The following POLD3 variants were observed in gnomAD, a reference collection of about 807,000 sequenced individuals.
The protein encoded by POLD3 is DNA polymerase delta 3, accessory subunit, also known as DNA polymerase delta subunit 3.
In POLD3, 19 loss-of-function variants were observed where a neutral mutation model predicts 58.2. The ratio of observed to expected loss-of-function variants is 0.33; its 90% CI spans 0.23 to 0.48. The LOEUF (loss-of-function observed/expected upper bound fraction) is 0.48. POLD3 is among the 20% of genes least tolerant of loss of function. POLD3 has a pLI of 0.99. For synonymous variants in POLD3, 172 were observed against 193.5 expected, an observed-to-expected ratio of 0.89 and a Z score of 0.92; for missense variants, 504 against 545.5, an observed-to-expected ratio of 0.92 and a Z score of 0.76.
In POLD3 at chr11:74,668,780, T is replaced by C. The variant is rs1022221011; in HGVS notation, c.374T>C (p.Val125Ala). ...TTCTGTTGTGTTTTTTTTACAGTGG[T>C]GCTGGACATGCAGTCCCACTCACTA... Residue 125 changes from valine to alanine, a missense_variant, in exon 5 of 5, where the codon GTG becomes GCG. By Grantham distance (64) the Val-to-Ala change is moderately conservative. Transcript: ENST00000524752. 25 of 1,288,288 alleles carry C rather than the reference T, an allele frequency of 1.9e-5. 1 individual carries two copies. In the Admixed American group the frequency reaches 5.5e-4, roughly 28 times the overall value. 79.8% of individuals were successfully genotyped at this position (1,288,288 alleles called of 1,614,324 possible).
At chr11:74,643,415 G>A (rs930543455), downstream of POLD3, among the ~76,000 whole-genome samples, 3 of 152,148 alleles carry the variant, frequency 2.0e-5, no homozygotes, top group African/African-American at 7.2e-5. Flanking sequence ...AGAAACCATA[G>A]AATTTGGCAC....
intron 7 of POLD3, among the ~76,000 whole-genome samples, chr11:74,621,153 C>T (rs1382464527): frequency 6.6e-6 from 1 of 152,156 alleles, no homozygotes. Flanking sequence ...CTCCAACCCA[C>T]AGTCCACTGA....
At chr11:74,620,164 C>G (rs1242622428) in intron 7 of POLD3, 75 bp downstream of exon 7, 1 of 1,142,136 alleles carries the variant, frequency 8.8e-7, no homozygotes, top group Non-Finnish European at 1.3e-6. Context: ...GAAGTGAAAG[C>G]CACTTTGTCT....
chr11:74,653,062 T>A (rs957046033), intron 4 of POLD3, among the ~76,000 whole-genome samples: 1 of 152,200 alleles, frequency 6.6e-6, no homozygotes, highest in Non-Finnish European at 1.5e-5. Context: ...AGGAGATGAA[T>A]GGACTTCAAA....
In POLD3 at chr11:74,625,324, C is replaced by T. The variant is rs182124484; in HGVS notation, c.734-84C>T. Reference sequence around the variant, plus strand: ...TTTGCCCCTGCTCCTAACATATTACCTGGCACATGGTAGACTGTCAAAAGA... The same window carrying T: ...TTTGCCCCTGCTCCTAACATATTACTTGGCACATGGTAGACTGTCAAAAGA... On this transcript the variant is annotated intron_variant, in intron 7 of 11. Transcript: ENST00000263681. 4.7e-5 allele frequency: 53 copies of T among 1,119,740 alleles called. 2 individuals are homozygous for T. The East Asian group carries it at 1.3e-3, about 27-fold the overall frequency. 69.4% of individuals were successfully genotyped at this position (1,119,740 alleles called of 1,614,324 possible). A position where few individuals can be genotyped will look rare whatever the true frequency, so the allele number is the denominator to read the frequency against.
chr11:74,618,551 A>G lies in POLD3; in HGVS notation c.407A>G (p.Gln136Arg). Residue 136 changes from glutamine (Q) to arginine (R), a missense_variant, in exon 6 of 12, where the codon CAA becomes CGA. Transcript: ENST00000263681. ...LQNCSKFSAI[Q>R]CAAAVPRAPA... Reference sequence around the variant, plus strand: ...TCTGTCCCCAGATTTAGTGCTATACAATGTGCAGCTGCCGTCCCTAGAGCT... The same window carrying G: ...TCTGTCCCCAGATTTAGTGCTATACGATGTGCAGCTGCCGTCCCTAGAGCT... The G allele has an allele frequency of 6.2e-7, 1 of 1,613,274 alleles. No individual in the cohort carries two copies. The highest frequency in any genetic ancestry group is 8.5e-7 in the Non-Finnish European group (1 of 1,179,316).
chr11:74,625,396 CTTTA>C lies in POLD3; in HGVS notation c.734-6_734-3del, dbSNP rs776318198. ...ATGGGGTCATATGTCGTCTGCTATA[CTTTA>C]TTTATAGATAAATTTAAAGTCAATT... On this transcript the variant is annotated splice_region_variant and splice_polypyrimidine_tract_variant and intron_variant, in intron 7 of 11. Coordinates refer to ENST00000263681, the MANE Select transcript of POLD3 (RefSeq NM_006591.3). 1.3e-5 allele frequency: 20 copies of C among 1,594,350 alleles called. No individual in the cohort carries two copies. The South Asian group carries it at 1.7e-4, about 13-fold the overall frequency.
Position 74,599,669 on chromosome 11 carries a change from G to GT in POLD3, c.117-5014dup, listed in dbSNP as rs201888423. On this transcript the variant is annotated intron_variant, in intron 2 of 11. Transcript: ENST00000263681. ...GAGCCACCGTGCCTGGCCTCATACT[G>GT]TTTTTTTTTAGCATTATTTCAGGCT... Among the ~76,000 whole-genome samples, 344 of 150,852 alleles carry GT rather than the reference G, an allele frequency of 2.3e-3. 1 individual carries two copies. The highest frequency in any genetic ancestry group is 7.5e-3 in the African/African-American group (309 of 41,118).
At chr11:74,618,301 A>G (rs1401668556) in intron 5 of POLD3, among the ~76,000 whole-genome samples, 1 of 152,198 alleles carries the variant, frequency 6.6e-6, no homozygotes, top group East Asian at 1.9e-4. Flanking sequence ...AACTAGATGT[A>G]TAACCTAGTA....
intron 9 of POLD3, among the ~76,000 whole-genome samples, chr11:74,630,471 G>C (rs1441144896): frequency 6.6e-6 from 1 of 152,194 alleles, no homozygotes. Context: ...TTCATGCTAT[G>C]TGTTTAGAAT....
intron 4 of POLD3, among the ~76,000 whole-genome samples, chr11:74,654,814 A>G (rs1032434622): frequency 6.7e-6 from 1 of 149,790 alleles, no homozygotes; most frequent in African/African-American, 2.5e-5. Flanking sequence ...GAAAGAAAAA[A>G]TAGCAGTCTC....
rs1565129980 is a variant in POLD3, at chr11:74,641,082, CCA to C, written c.*318_*319del. 9.7e-7 allele frequency: 1 copy of C among 1,028,844 alleles called. No individual in the cohort carries two copies. Among genetic ancestry groups the C allele is most frequent in the African/African-American group, 1.7e-5 (1 of 58,802 alleles). 63.7% of individuals were successfully genotyped at this position (1,028,844 alleles called of 1,614,324 possible). A position where few individuals can be genotyped will look rare whatever the true frequency, so the allele number is the denominator to read the frequency against. ...TCACTGAAGCCATTTAGTGGCTAAC[CCA>C]CTGTGCTCCACTCACCCTATGCCCT... On this transcript the variant is annotated 3_prime_UTR_variant, in exon 12 of 12. Coordinates refer to ENST00000263681, the MANE Select transcript of POLD3 (RefSeq NM_006591.3).
chr11:74,634,291 C>T (rs1235532726), intron 9 of POLD3, among the ~76,000 whole-genome samples: 2 of 152,098 alleles, frequency 1.3e-5, no homozygotes, highest in Non-Finnish European at 2.9e-5. Flanking sequence ...ATATGAAAGG[C>T]GATAAGTGGA....
At chr11:74,601,575 G>A (rs368694997) in intron 2 of POLD3, among the ~76,000 whole-genome samples, 8 of 152,248 alleles carry the variant, frequency 5.3e-5, no homozygotes, top group South Asian at 2.1e-4. Flanking sequence ...TCACTTGAGC[G>A]CAGGGGTTCG....
At chr11:74,608,230 C>T (rs917844452) in intron 3 of POLD3, among the ~76,000 whole-genome samples, 8 of 152,222 alleles carry the variant, frequency 5.3e-5, no homozygotes, top group Non-Finnish European at 1.0e-4. Flanking sequence ...ATCCCCTTGC[C>T]TCAGCTTCCT....
chr11:74,645,804 G>A (rs2032991879), downstream of POLD3, among the ~76,000 whole-genome samples: 1 of 152,168 alleles, frequency 6.6e-6, no homozygotes, highest in South Asian at 2.1e-4. Context: ...AAGGGGTTAA[G>A]TAACCTGCCC....
In POLD3 at chr11:74,620,080, G is replaced by A; in HGVS notation, c.724G>A (p.Ala242Thr). Residue 242 changes from alanine (A) to threonine (T), a missense_variant, in exon 7 of 12, where the codon GCT (alanine) becomes ACT (threonine). Physicochemically the swap from Ala to Thr is moderately conservative, Grantham distance 58. Transcript: ENST00000263681. ...GNMMSNFFGK[A>T]AMNKFKVNLD... ...TATGATGAGCAACTTTTTTGGAAAA[G>A]CTGCTATGAGTAAGCATGTTCTTAC... 3.7e-6 allele frequency: 6 copies of A among 1,609,596 alleles called. No individual in the cohort carries two copies. Among genetic ancestry groups the A allele is most frequent in the Non-Finnish European group, 5.1e-6 (6 of 1,175,898 alleles).
At chr11:74,622,723 C>T (rs1428893336) in intron 7 of POLD3, among the ~76,000 whole-genome samples, 1 of 152,140 alleles carries the variant, frequency 6.6e-6, no homozygotes, top group African/African-American at 2.4e-5. Context: ...AGAAATTGAA[C>T]CCTTGTGCTC....
chr11:74,662,400 T>G (rs1026759811), intron 4 of POLD3, among the ~76,000 whole-genome samples: 2 of 152,088 alleles, frequency 1.3e-5, no homozygotes, highest in Non-Finnish European at 2.9e-5. Context: ...CAGCAGGTGA[T>G]GAATCCTGCC....
Sources: allele counts gnomAD v4.1 joint callset (sites outside exome capture counted in the v4.1 genomes callset), GRCh38; gene constraint gnomAD v4.1.1; transcripts MANE v1.5; gene names NCBI Gene and HGNC (gene_info 2026-07-23, HGNC 2026-07-21).